Variants in CBLB observed in about 807,000 individuals in gnomAD.
CBLB encodes Cbl proto-oncogene B.
A neutral mutation model predicts 104.9 loss-of-function variants in CBLB; 31 were observed. The ratio of observed to expected loss-of-function variants is 0.30; its 90% CI spans 0.22 to 0.40. The LOEUF (loss-of-function observed/expected upper bound fraction) is 0.40. Ranked by LOEUF, CBLB falls within the 10% of genes least tolerant of loss-of-function variation. CBLB has a pLI of 1.00. For synonymous variants in CBLB, 440 were observed against 422.6 expected (o/e 1.04, Z -0.51); for missense variants, 1,062 against 1,214.6 (o/e 0.87, Z 1.87).
intron 3 of CBLB, among the ~76,000 whole-genome samples, chr3:105,848,253 G>A (rs926953767): frequency 2.6e-5 from 4 of 152,012 alleles, no homozygotes; most frequent in Non-Finnish European, 4.4e-5. Flanking sequence ...TGTATCAGTC[G>A]GGGGAGGCAT....
chr3:105,796,773 T>C (rs1216836428), intron 3 of CBLB, among the ~76,000 whole-genome samples: 1 of 152,070 alleles, frequency 6.6e-6, no homozygotes, highest in Non-Finnish European at 1.5e-5. Context: ...GCAAAGAACA[T>C]GAACAAACGC....
At chr3:105,667,089 G>C (rs2064552249) in intron 18 of CBLB, among the ~76,000 whole-genome samples, 1 of 152,218 alleles carries the variant, frequency 6.6e-6, no homozygotes, top group East Asian at 1.9e-4. Flanking sequence ...TAAACTAATG[G>C]TAGTATTGAA....
intron 9 of CBLB, among the ~76,000 whole-genome samples, chr3:105,721,465 C>T (rs2072809298): frequency 6.6e-6 from 1 of 152,166 alleles, no homozygotes; most frequent in Non-Finnish European, 1.5e-5. Context: ...AAATTGAACA[C>T]CTCCTTTGCC....
chr3:105,836,320 AT>A (rs2088487394), intron 3 of CBLB, among the ~76,000 whole-genome samples: 1 of 152,232 alleles, frequency 6.6e-6, no homozygotes, highest in Non-Finnish European at 1.5e-5. Flanking sequence ...TAGCATAGTT[AT>A]CTGTGTCTAA....
At chr3:105,832,895 C>A (rs1184354510) in intron 3 of CBLB, among the ~76,000 whole-genome samples, 1 of 152,112 alleles carries the variant, frequency 6.6e-6, no homozygotes, top group Non-Finnish European at 1.5e-5. Flanking sequence ...CAGCAGAATA[C>A]CATGAGATAA....
At chr3:105,751,674 C>A in intron 4 of CBLB, 56 bp from the exon 5 acceptor site, 2 of 1,378,278 alleles carry the variant, frequency 1.5e-6, no homozygotes, top group South Asian at 1.2e-5. Flanking sequence ...TTAAGAAATA[C>A]CTCCCTTTGA....
intron 17 of CBLB, chr3:105,673,519 A>G (rs2065288390): frequency 6.6e-6 from 1 of 152,220 alleles, no homozygotes; most frequent in Non-Finnish European, 1.5e-5. Context: ...AAGATTTATC[A>G]ATTATCCCCC....
At chr3:105,829,700 A>AAC in intron 3 of CBLB, among the ~76,000 whole-genome samples, 1 of 77,946 alleles carries the variant, frequency 1.3e-5, no homozygotes, top group Non-Finnish European at 2.7e-5. Flanking sequence ...AAAAAAAAAA[A>AAC]ACCAAACTGC....
intron 3 of CBLB, among the ~76,000 whole-genome samples, chr3:105,826,095 G>A (rs13084138): frequency 0.016 from 167 of 10,600 alleles, no homozygotes; most frequent in Non-Finnish European, 0.043. Context: ...AGCATGACAC[G>A]GCTCCAGCAT....
chr3:105,713,579 T>C (rs768656756), intron 10 of CBLB, among the ~76,000 whole-genome samples: 8 of 152,150 alleles, frequency 5.3e-5, no homozygotes, highest in Non-Finnish European at 1.0e-4. Flanking sequence ...CAAGTTATTT[T>C]TGAGAAATAA....
intron 3 of CBLB, among the ~76,000 whole-genome samples, chr3:105,819,442 G>C (rs1196032659): frequency 6.6e-6 from 1 of 151,464 alleles, no homozygotes; most frequent in Non-Finnish European, 1.5e-5. Flanking sequence ...AGCTGAGATT[G>C]TGCCACTGAA....
At chr3:105,673,417 A>T (rs1487164263) in intron 17 of CBLB, 1 of 152,192 alleles carries the variant, frequency 6.6e-6, no homozygotes, top group East Asian at 1.9e-4. Flanking sequence ...AAACACTTCC[A>T]AATTTTTACC....
intron 9 of CBLB, among the ~76,000 whole-genome samples, chr3:105,727,255 T>C (rs1559979764): frequency 2.6e-5 from 4 of 152,220 alleles, no homozygotes; most frequent in Non-Finnish European, 1.5e-5. Flanking sequence ...CTAACTGGCG[T>C]GAGATGGTTA....
chr3:105,709,504 A>G (rs1304815147), intron 10 of CBLB, among the ~76,000 whole-genome samples: 1 of 151,884 alleles, frequency 6.6e-6, no homozygotes, highest in East Asian at 1.9e-4. Flanking sequence ...ACATATAGCC[A>G]TTGGTGATGG....
chr3:105,826,307 T>A (rs1307762358), intron 3 of CBLB, among the ~76,000 whole-genome samples: 1 of 152,096 alleles, frequency 6.6e-6, no homozygotes, highest in Non-Finnish European at 1.5e-5. Flanking sequence ...TAAAACCATA[T>A]AACAAGGCAG....
chr3:105,766,558 C>T (rs994087929), intron 4 of CBLB, among the ~76,000 whole-genome samples: 5 of 152,158 alleles, frequency 3.3e-5, no homozygotes, highest in East Asian at 1.9e-4. Context: ...CCATGAACAT[C>T]GAGGCACAAC....
chr3:105,701,145 G>C (rs2069041376), intron 12 of CBLB, among the ~76,000 whole-genome samples: 1 of 152,150 alleles, frequency 6.6e-6, no homozygotes, highest in East Asian at 1.9e-4. Context: ...GAATTCTAAA[G>C]TAAATGATTT....
intron 3 of CBLB, among the ~76,000 whole-genome samples, chr3:105,838,477 C>T (rs974205615): frequency 2.0e-5 from 3 of 151,364 alleles, no homozygotes; most frequent in Admixed American, 6.6e-5. Flanking sequence ...GTTAGCTATG[C>T]CAGTAATAAG....
intron 3 of CBLB, among the ~76,000 whole-genome samples, chr3:105,843,376 T>C (rs1175794123): frequency 6.6e-6 from 1 of 152,236 alleles, no homozygotes; most frequent in African/African-American, 2.4e-5. Context: ...TTCCCAATTA[T>C]TTATTTTCTA....
Sources: allele counts gnomAD v4.1 joint callset (sites outside exome capture counted in the v4.1 genomes callset), GRCh38; gene constraint gnomAD v4.1.1; transcripts MANE v1.5; gene names NCBI Gene and HGNC (gene_info 2026-07-23, HGNC 2026-07-21).